Variants in MIER1 observed in about 807,000 individuals in gnomAD.
MIER1 encodes the protein MIER1 transcriptional regulator.
MIER1 carries 40 observed loss-of-function variants against 75.7 expected under a neutral mutation model. The observed-to-expected ratio is 0.53, with a 90% CI of 0.41 to 0.69. The LOEUF (loss-of-function observed/expected upper bound fraction) is 0.69, where lower values mean the gene tolerates loss of function less well. Among genes scored for constraint, MIER1 ranks in the 30% least tolerant of loss-of-function variants. MIER1 has a pLI of 0.00. For synonymous variants in MIER1, 213 were observed against 223.4 expected (o/e 0.95, Z 0.42); for missense variants, 574 against 680.2 (o/e 0.84, Z 1.74).
Position 66,978,057 on chromosome 1 carries a change from G to A in MIER1, c.1229+1335G>A, listed in dbSNP as rs530804704. Among the ~76,000 whole-genome samples, 7 of 152,086 alleles carry A rather than the reference G, an allele frequency of 4.6e-5. No homozygotes were observed. The South Asian group carries it at 8.3e-4, about 18-fold the overall frequency. On this transcript the variant is annotated intron_variant, in intron 12 of 13. Transcript: ENST00000401041. Reference sequence around the variant, plus strand: ...ACTAAAAATACAAAAATTAGCTGATGTGGTGGTGCACGCCTATAGTCTCAG... The same window carrying A: ...ACTAAAAATACAAAAATTAGCTGATATGGTGGTGCACGCCTATAGTCTCAG...
intron 7 of MIER1, among the ~76,000 whole-genome samples, chr1:66,961,401 G>A (rs1383407624): frequency 6.6e-6 from 1 of 152,052 alleles, no homozygotes; most frequent in African/African-American, 2.4e-5. Context: ...CAGCCTTATG[G>A]GGCTTGCTGA....
chr1:66,975,547 G>C (rs897810636), intron 11 of MIER1, among the ~76,000 whole-genome samples: 1 of 149,022 alleles, frequency 6.7e-6, no homozygotes, highest in Non-Finnish European at 1.5e-5. Flanking sequence ...AAAAAGAAAG[G>C]AAAAAAGTTA....
At chr1:66,935,941 CT>C (rs1654709562) in intron 2 of MIER1, among the ~76,000 whole-genome samples, 1 of 138,418 alleles carries the variant, frequency 7.2e-6, no homozygotes, top group African/African-American at 2.6e-5. Flanking sequence ...AATGCATGGA[CT>C]TTAAATGTTT....
intron 12 of MIER1, 32 bp from the exon 13 acceptor site, chr1:66,981,744 CTTT>C (rs1400255414): frequency 6.6e-7 from 1 of 1,520,734 alleles, no homozygotes; most frequent in South Asian, 1.3e-5. Context: ...ATTTTCAGCT[CTTT>C]TTAATATAAA....
chr1:66,945,024 C>T (rs935559497), intron 3 of MIER1, among the ~76,000 whole-genome samples: 1 of 152,036 alleles, frequency 6.6e-6, no homozygotes, highest in Non-Finnish European at 1.5e-5. Flanking sequence ...TACATCCAGC[C>T]ACTAGAATGT....
At chr1:66,975,907 G>A (rs1035973500) in intron 11 of MIER1, among the ~76,000 whole-genome samples, 4 of 152,142 alleles carry the variant, frequency 2.6e-5, no homozygotes, top group African/African-American at 9.7e-5. Context: ...CGCTCCCTAG[G>A]TACCCGTACT....
At chr1:66,952,059 A>C (rs10789219) in intron 4 of MIER1, among the ~76,000 whole-genome samples, 87,787 of 152,104 alleles carry the variant, frequency 0.58, 27,614 homozygotes, top group East Asian at 0.84. Flanking sequence ...GGCACATAAT[A>C]AACACAAAAT....
At chr1:66,929,133 C>A in intron 2 of MIER1, 3 of 651,704 alleles carry the variant, frequency 4.6e-6, no homozygotes, top group South Asian at 1.7e-5. Context: ...TAATAGCCTC[C>A]CCTATATTGC....
intron 2 of MIER1, among the ~76,000 whole-genome samples, chr1:66,927,369 T>C (rs1006269441): frequency 1.3e-5 from 2 of 152,082 alleles, no homozygotes; most frequent in African/African-American, 4.8e-5. Flanking sequence ...TTCAGCACAC[T>C]TTTTTAGTTT....
Position 66,946,428 on chromosome 1 carries a change from A to G in MIER1, c.339+133A>G, listed in dbSNP as rs770142091. ...AATGACTGAAAAATTTTGTGTGATC[A>G]TAGGTGGGATATTTAAAGTTTGAAA... On this transcript the variant is annotated intron_variant, in intron 4 of 13. Transcript: ENST00000401041. 163 of 1,381,434 alleles carry G rather than the reference A, an allele frequency of 1.2e-4. No individual in the cohort carries two copies. The highest frequency in any genetic ancestry group is 1.4e-4 in the Non-Finnish European group (152 of 1,067,444). The allele number at this position is 1,381,434 out of a possible 1,614,324, so 85.6% of individuals were successfully genotyped here.
intron 1 of MIER1, among the ~76,000 whole-genome samples, chr1:66,925,813 C>T (rs1389869747): frequency 1.3e-5 from 2 of 152,198 alleles, no homozygotes; most frequent in Non-Finnish European, 2.9e-5. Flanking sequence ...TCCTCCAACG[C>T]TAGAATTCTG....
At chr1:66,983,526 A>G (rs1192947848) in intron 13 of MIER1, among the ~76,000 whole-genome samples, 1 of 152,206 alleles carries the variant, frequency 6.6e-6, no homozygotes, top group Non-Finnish European at 1.5e-5. Flanking sequence ...CAACTCTAAA[A>G]TGAACTTTTG....
intron 1 of MIER1, 30 bp from the exon 2 acceptor site, chr1:66,926,112 G>T (rs762267873): frequency 6.4e-7 from 1 of 1,558,144 alleles, no homozygotes; most frequent in South Asian, 1.1e-5. Flanking sequence ...CTGTCTCCTT[G>T]CTACTGAGGC....
At chr1:66,934,281 A>C (rs1228889028) in intron 2 of MIER1, among the ~76,000 whole-genome samples, 1 of 152,220 alleles carries the variant, frequency 6.6e-6, no homozygotes, top group Non-Finnish European at 1.5e-5. Context: ...AGAGAAAATG[A>C]AAGTGAGCAG....
chr1:66,983,716 A>G (rs770813939), intron 13 of MIER1, among the ~76,000 whole-genome samples: 6 of 152,124 alleles, frequency 3.9e-5, no homozygotes, highest in Non-Finnish European at 8.8e-5. Flanking sequence ...ACTTAGGTAA[A>G]TAGTGTGTGA....
At chr1:66,971,518 C>G in intron 9 of MIER1, 137 bp from the exon 10 acceptor site, 1 of 510,856 alleles carries the variant, frequency 2.0e-6, no homozygotes, top group Non-Finnish European at 3.5e-6. Flanking sequence ...CTTTGGAGTT[C>G]TCTATATATA....
At position 66,949,550 on chromosome 1, in the gene MIER1, T is replaced by C. The variant is rs1470713294; in HGVS notation, c.339+3255T>C. Among the ~76,000 whole-genome samples, 4 of 152,222 alleles carry C rather than the reference T, an allele frequency of 2.6e-5. No homozygotes were observed. In the East Asian group the frequency reaches 7.7e-4, roughly 29 times the overall value. Reference sequence around the variant, plus strand: ...AGCCTTATACCTTCTCAGATTCTTCTCTGACTTCTCCCAGAAACAATTAAA... The same window carrying C: ...AGCCTTATACCTTCTCAGATTCTTCCCTGACTTCTCCCAGAAACAATTAAA... On this transcript the variant is annotated intron_variant, in intron 4 of 13. Coordinates refer to ENST00000401041, the MANE Select transcript of MIER1 (RefSeq NM_001077700.3).
intron 13 of MIER1, 116 bp downstream of exon 13, chr1:66,982,034 A>G (rs374876789): frequency 2.3e-5 from 23 of 993,760 alleles, no homozygotes; most frequent in East Asian, 5.0e-5. Context: ...GTAAAAAATG[A>G]TAACACATGA....
At chr1:66,939,926 T>C in intron 2 of MIER1, 102 bp from the exon 3 acceptor site, 1 of 871,284 alleles carries the variant, frequency 1.1e-6, no homozygotes, top group Non-Finnish European at 1.9e-6. Flanking sequence ...TAAAACTTAC[T>C]GTAGTTTTTG....
Sources: allele counts gnomAD v4.1 joint callset (sites outside exome capture counted in the v4.1 genomes callset), GRCh38; gene constraint gnomAD v4.1.1; transcripts MANE v1.5; gene names NCBI Gene and HGNC (gene_info 2026-07-23, HGNC 2026-07-21).